STK3: variants seen among roughly 807,000 people sequenced by gnomAD.
The protein encoded by STK3 is serine/threonine-protein kinase 3.
A neutral mutation model predicts 58.0 loss-of-function variants in STK3; 41 were observed. The observed-to-expected ratio is 0.71, with a 90% CI of 0.55 to 0.92. STK3 has a LOEUF of 0.92. STK3 is among the 40% of genes least tolerant of loss of function. The pLI, the probability that STK3 is intolerant of heterozygous loss-of-function variation, is 0.00. For synonymous variants in STK3, 170 were observed against 191.0 expected (o/e 0.89, Z 0.91); for missense variants, 479 against 602.7 (o/e 0.79, Z 2.15).
chr8:98,640,465 A>G lies in STK3; in HGVS notation c.685-44296T>C, dbSNP rs944757629. On this transcript the variant is annotated intron_variant, in intron 6 of 10. Coordinates refer to ENST00000419617, the MANE Select transcript of STK3 (RefSeq NM_006281.4). ...GTGGAAAAATGTGATATAAAAAAAC[A>G]TAAAAGTTAATGATATACTAGTGAA... Among the ~76,000 whole-genome samples, 5 of 152,344 alleles carry G rather than the reference A, an allele frequency of 3.3e-5. No homozygotes were observed. The East Asian group carries it at 9.6e-4, about 29-fold the overall frequency.
At chr8:98,605,827 T>G (rs1457502640) in intron 6 of STK3, among the ~76,000 whole-genome samples, 1 of 152,162 alleles carries the variant, frequency 6.6e-6, no homozygotes, top group Admixed American at 6.5e-5. Context: ...TGGTTTATTA[T>G]CATCCCCTTG....
chr8:98,521,857 T>G (rs1012251541), intron 10 of STK3, among the ~76,000 whole-genome samples: 24 of 152,184 alleles, frequency 1.6e-4, no homozygotes, highest in African/African-American at 5.5e-4. Context: ...TTCCACATTA[T>G]AATTTCATAT....
rs189673053 is a variant in STK3, at chr8:98,621,075, G to A, written c.685-24906C>T. 4.3e-3 allele frequency among the ~76,000 whole-genome samples: 655 copies of A among 151,102 alleles called. 6 individuals are homozygous for A. Among genetic ancestry groups the A allele is most frequent in the African/African-American group, 0.015 (608 of 41,396 alleles). On this transcript the variant is annotated intron_variant, in intron 6 of 10. Transcript: ENST00000419617. ...CTCCCAAGTAGCTGGGACTACAGGC[G>A]CCCGCCACTACGCCCAGCTAATTTT...
chr8:98,428,043 A>G lies in STK3; in HGVS notation n.483+6084T>C. 6.2e-7 allele frequency: 1 copy of G among 1,611,090 alleles called. No individual in the cohort carries two copies. Among genetic ancestry groups the G allele is most frequent in the Non-Finnish European group, 8.5e-7 (1 of 1,178,410 alleles). On this transcript the variant is annotated intron_variant and non_coding_transcript_variant, in intron 3 of 3. Transcript: ENST00000517832. This position sits in a 1 kb window ranked among gnomAD's most constrained non-coding sequence, Gnocchi z 6.7. The stretch of plus-strand genomic sequence containing the variant: ...CGTCGAGGACGGGGAGATCCGCATC[A>G]ATGTGGGCGGCTTCAAGAGGAGGCT...
chr8:98,730,738 A>AAAAAAAAG, intron 4 of STK3, among the ~76,000 whole-genome samples: 1 of 145,520 alleles, frequency 6.9e-6, no homozygotes, highest in Non-Finnish European at 1.5e-5. Flanking sequence ...AAAAAAAAAA[A>AAAAAAAAG]CACCTGTGTG....
intron 9 of STK3, among the ~76,000 whole-genome samples, chr8:98,528,489 CT>C (rs1825911735): frequency 6.6e-6 from 1 of 151,836 alleles, no homozygotes; most frequent in African/African-American, 2.4e-5. Flanking sequence ...TTTCCTTTTT[CT>C]TTTCTTTTTT....
intron 10 of STK3, among the ~76,000 whole-genome samples, chr8:98,491,446 C>T (rs562897754): frequency 3.9e-4 from 56 of 144,040 alleles, no homozygotes; most frequent in African/African-American, 1.3e-3. Flanking sequence ...TTTTTTTTTG[C>T]GGGGGTGGGG....
intron 9 of STK3, among the ~76,000 whole-genome samples, chr8:98,538,413 C>A (rs1379203119): frequency 6.6e-6 from 1 of 152,106 alleles, no homozygotes. Flanking sequence ...GAAAATAATA[C>A]CTGCACAAAG....
intron 8 of STK3, among the ~76,000 whole-genome samples, chr8:98,562,327 A>G (rs1017196536): frequency 6.6e-6 from 1 of 152,064 alleles, no homozygotes; most frequent in African/African-American, 2.4e-5. Context: ...ATGTAATACT[A>G]TTCAGTGATA....
At chr8:98,368,406 C>T (rs2130986263), downstream of STK3, among the ~76,000 whole-genome samples, 1 of 152,284 alleles carries the variant, frequency 6.6e-6, no homozygotes, top group Non-Finnish European at 1.5e-5. Context: ...AAGAATGAGA[C>T]ATCCAACCAG....
intron 10 of STK3, among the ~76,000 whole-genome samples, chr8:98,488,829 C>T (rs1385306296): frequency 6.6e-6 from 1 of 152,192 alleles, no homozygotes; most frequent in African/African-American, 2.4e-5. Context: ...TTTAGCCAGG[C>T]ATACAGTCAT....
At chr8:98,377,530 A>G (rs1488399978) in intron 2 of STK3, among the ~76,000 whole-genome samples, 1 of 151,842 alleles carries the variant, frequency 6.6e-6, no homozygotes, top group Non-Finnish European at 1.5e-5. Flanking sequence ...AGACAAATAT[A>G]TTATAAATTT....
At chr8:98,525,385 C>T (rs530434347) in intron 10 of STK3, among the ~76,000 whole-genome samples, 1 of 149,858 alleles carries the variant, frequency 6.7e-6, no homozygotes, top group East Asian at 2.0e-4. Context: ...GCAATATATC[C>T]ATGTAAATTT....
upstream of STK3, among the ~76,000 whole-genome samples, chr8:98,827,393 G>T (rs1411729507): frequency 6.6e-6 from 1 of 152,136 alleles, no homozygotes; most frequent in Non-Finnish European, 1.5e-5. Flanking sequence ...TTTTCTTGGA[G>T]GTTAGAACAA....
intron 3 of STK3, among the ~76,000 whole-genome samples, chr8:98,404,405 G>A (rs955946310): frequency 6.6e-6 from 1 of 152,198 alleles, no homozygotes; most frequent in African/African-American, 2.4e-5. Flanking sequence ...GTATGGCTGG[G>A]TGTGGTGGCT....
At chr8:98,723,913 T>TCTA (rs1429821836) in intron 4 of STK3, among the ~76,000 whole-genome samples, 3 of 152,170 alleles carry the variant, frequency 2.0e-5, no homozygotes, top group Admixed American at 2.0e-4. Flanking sequence ...TCAGGATTAA[T>TCTA]CTATCCAGTG....
At chr8:98,675,811 C>T (rs1587260518) in intron 6 of STK3, among the ~76,000 whole-genome samples, 1 of 151,752 alleles carries the variant, frequency 6.6e-6, no homozygotes, top group East Asian at 1.9e-4. Context: ...TTGCAGTGAG[C>T]CGATATTGCA....
At chr8:98,795,068 A>G (rs1269123881) in intron 1 of STK3, among the ~76,000 whole-genome samples, 2 of 108,460 alleles carry the variant, frequency 1.8e-5, no homozygotes, top group African/African-American at 3.7e-5. Context: ...GACAAGAGCA[A>G]AACTCCGTCG....
chr8:98,699,929 A>C (rs1375684853), intron 6 of STK3, among the ~76,000 whole-genome samples: 1 of 152,174 alleles, frequency 6.6e-6, no homozygotes, highest in Non-Finnish European at 1.5e-5. Context: ...TGCAGAGGTT[A>C]CTGCTGTCTT....
Sources: allele counts gnomAD v4.1 joint callset (sites outside exome capture counted in the v4.1 genomes callset), GRCh38; gene constraint gnomAD v4.1.1; non-coding constraint Gnocchi (gnomAD v3.1); transcripts MANE v1.5; gene names NCBI Gene and HGNC (gene_info 2026-07-23, HGNC 2026-07-21).